Variants in RMDN1 observed in about 807,000 individuals in gnomAD.
The protein encoded by RMDN1 is regulator of microtubule dynamics 1, also known as regulator of microtubule dynamics protein 1.
In RMDN1, 48 loss-of-function variants were observed where a neutral mutation model predicts 48.9. That is an observed-to-expected ratio of 0.98 (90% CI 0.78 to 1.25). RMDN1 has a LOEUF of 1.25. Among genes scored for constraint, RMDN1 ranks in the 50% most tolerant of loss-of-function variants. The pLI is 0.00. For synonymous variants in RMDN1, 148 were observed against 132.6 expected, an observed-to-expected ratio of 1.12 and a Z score of -0.80; for missense variants, 418 against 373.4, an observed-to-expected ratio of 1.12 and a Z score of -0.98.
At chr8:86,478,097 C>T (rs1294084061) in intron 7 of RMDN1, 1 of 152,162 alleles carries the variant, frequency 6.6e-6, no homozygotes, top group Non-Finnish European at 1.5e-5. Context: ...GTTGCCCAGG[C>T]TGGTCTCAAA....
chr8:86,469,393 A>G (rs1812363916), downstream of RMDN1, among the ~76,000 whole-genome samples: 1 of 152,224 alleles, frequency 6.6e-6, no homozygotes, highest in South Asian at 2.1e-4. Context: ...ATCTCCAGAT[A>G]CACGACAGAA....
At chr8:86,481,775 C>A (rs1267673042) in intron 5 of RMDN1, 2 of 1,088,520 alleles carry the variant, frequency 1.8e-6, no homozygotes, top group Non-Finnish European at 1.2e-6. Flanking sequence ...GAGAAGAGAT[C>A]TTTTCCCACA....
intron 2 of RMDN1, chr8:86,503,781 T>C (rs1276708572): frequency 3.9e-6 from 2 of 506,752 alleles, no homozygotes; most frequent in Non-Finnish European, 7.7e-6. Flanking sequence ...TCTGTGGCCA[T>C]ATTCTCCATT....
chr8:86,470,204 T>C, downstream of RMDN1: 1 of 1,288,972 alleles, frequency 7.8e-7, no homozygotes, highest in Non-Finnish European at 1.0e-6. Flanking sequence ...GAACACAGAG[T>C]ACTACCAACT....
downstream of RMDN1, chr8:86,472,329 A>G (rs1047985049): frequency 1.8e-5 from 12 of 670,972 alleles, no homozygotes; most frequent in East Asian, 5.5e-5. Context: ...CTGACCTCAC[A>G]TAACAGGTCA....
At position 86,507,114 on chromosome 8, in the gene RMDN1, T is replaced by A; in HGVS notation, c.130-2A>T. On this transcript the variant is annotated splice_acceptor_variant, in intron 1 of 9. Coordinates refer to ENST00000406452, the MANE Select transcript of RMDN1 (RefSeq NM_016033.3). LOFTEE classifies it high-confidence loss of function. ...GAAAGTTCCTGGGTTTCCCATTACC[T>A]ATGGAAACAATTATGTTAAGAGTTA... 1 of 1,545,854 alleles carries A rather than the reference T, an allele frequency of 6.5e-7. No homozygotes were observed.
chr8:86,476,466 T>A (rs980704140), intron 8 of RMDN1, among the ~76,000 whole-genome samples: 19 of 152,208 alleles, frequency 1.2e-4, no homozygotes, highest in African/African-American at 4.6e-4. Context: ...AGAATATATT[T>A]CAATGGTTTT....
At chr8:86,503,391 A>AAAACAAAACAAAAC (rs1347613622) in intron 2 of RMDN1, among the ~76,000 whole-genome samples, 2 of 45,018 alleles carry the variant, frequency 4.4e-5, no homozygotes, top group African/African-American at 6.0e-5. Context: ...AAAAAAAAAC[A>AAAACAAAACAAAAC]AAAAAAAATA....
At chr8:86,468,442 A>T (rs180772562), downstream of RMDN1, 1 of 438,780 alleles carries the variant, frequency 2.3e-6, no homozygotes. Context: ...TTAAAAAAAA[A>T]ATTCTAATGT....
At chr8:86,514,347 G>T, upstream of RMDN1, 1 of 783,084 alleles carries the variant, frequency 1.3e-6, no homozygotes, top group Non-Finnish European at 1.5e-6. Context: ...TCAGCTCCCT[G>T]CGGATGGGCT....
intron 7 of RMDN1, chr8:86,478,223 G>A (rs1226878660): frequency 1.3e-5 from 2 of 152,064 alleles, no homozygotes; most frequent in East Asian, 3.8e-4. Context: ...TAAAATATTG[G>A]TGCATTATTT....
intron 2 of RMDN1, among the ~76,000 whole-genome samples, chr8:86,506,344 G>A (rs987166972): frequency 2.6e-5 from 4 of 152,008 alleles, no homozygotes; most frequent in African/African-American, 7.2e-5. Flanking sequence ...TTTTCTGAAC[G>A]ATTATTATCT....
intron 2 of RMDN1, among the ~76,000 whole-genome samples, chr8:86,506,343 C>A (rs1401350251): frequency 6.6e-6 from 1 of 151,992 alleles, no homozygotes; most frequent in Non-Finnish European, 1.5e-5. Flanking sequence ...TTTTTCTGAA[C>A]GATTATTATC....
At chr8:86,472,188 A>G (rs1812661141), downstream of RMDN1, among the ~76,000 whole-genome samples, 1 of 152,206 alleles carries the variant, frequency 6.6e-6, no homozygotes, top group African/African-American at 2.4e-5. Context: ...GTGTCTATAC[A>G]CACACAAACA....
intron 1 of RMDN1, 188 bp downstream of exon 1, chr8:86,508,304 G>A (rs1433952202): frequency 3.5e-6 from 2 of 572,398 alleles, no homozygotes; most frequent in South Asian, 2.7e-5. Flanking sequence ...GACAGCCCCA[G>A]TTAAGGATAG....
At chr8:86,508,923 C>T (rs983931172), upstream of RMDN1, 6 of 559,608 alleles carry the variant, frequency 1.1e-5, no homozygotes, top group Admixed American at 2.6e-4. Flanking sequence ...TCTAGGGGGT[C>T]TTTCATGGTT....
Position 86,507,059 on chromosome 8 carries a change from C to A in RMDN1, c.183G>T (p.Ser61=), listed in dbSNP as rs140564162. 3 of 1,613,360 alleles carry A rather than the reference C, an allele frequency of 1.9e-6. No individual in the cohort carries two copies. Among genetic ancestry groups the A allele is most frequent in the Non-Finnish European group, 1.7e-6 (2 of 1,179,344 alleles). The change falls in exon 2 of 10, where the codon TCG becomes TCT. Residue 61 remains serine, a synonymous_variant. Coordinates refer to ENST00000406452, the MANE Select transcript of RMDN1 (RefSeq NM_016033.3). ...FKRGLLLSAL[S]YLGFETYQVI... ...CCTGGTAAGTTTCAAAACCCAAATA[C>A]GACAAAGCTGAGAGTAAAAGGCCTC... is the stretch of plus-strand genomic sequence containing the variant.
At chr8:86,493,839 T>C (rs1176791704) in intron 2 of RMDN1, among the ~76,000 whole-genome samples, 1 of 152,216 alleles carries the variant, frequency 6.6e-6, no homozygotes, top group Non-Finnish European at 1.5e-5. Flanking sequence ...ATAAACTCTA[T>C]GTTTAGACTT....
At chr8:86,486,723 T>C in intron 3 of RMDN1, 80 bp from the exon 4 acceptor site, 1 of 1,068,456 alleles carries the variant, frequency 9.4e-7, no homozygotes, top group Non-Finnish European at 1.3e-6. Context: ...AATGAATACA[T>C]TATGGTCTTT....
Sources: allele counts gnomAD v4.1 joint callset (sites outside exome capture counted in the v4.1 genomes callset), GRCh38; gene constraint gnomAD v4.1.1; transcripts MANE v1.5; gene names NCBI Gene and HGNC (gene_info 2026-07-23, HGNC 2026-07-21).